Variants in GFRA1 observed in about 807,000 individuals in gnomAD.
The protein encoded by GFRA1 is GDNF family receptor alpha 1.
In GFRA1, 16 loss-of-function variants were observed where a neutral mutation model predicts 51.6. The observed-to-expected ratio is 0.31, with a 90% CI of 0.21 to 0.47. GFRA1 has a LOEUF of 0.47. Among genes scored for constraint, GFRA1 ranks in the 20% least tolerant of loss-of-function variants. GFRA1 has a pLI of 1.00. For synonymous variants in GFRA1, 270 were observed against 241.3 expected (o/e 1.12, Z -1.10); for missense variants, 530 against 594.3 (o/e 0.89, Z 1.13).
At chr10:116,128,970 A>G (rs1295944943) in intron 5 of GFRA1, among the ~76,000 whole-genome samples, 1 of 152,108 alleles carries the variant, frequency 6.6e-6, no homozygotes, top group Non-Finnish European at 1.5e-5. Context: ...CTCACTTTCT[A>G]CTGATTCTAT....
At chr10:116,225,313 G>A (rs1966201010) in intron 4 of GFRA1, among the ~76,000 whole-genome samples, 1 of 151,978 alleles carries the variant, frequency 6.6e-6, no homozygotes, top group Admixed American at 6.6e-5. Flanking sequence ...AAGGCAGGCG[G>A]ATCACGAGGT....
At chr10:116,192,248 C>T (rs1388840948) in intron 5 of GFRA1, among the ~76,000 whole-genome samples, 3 of 152,252 alleles carry the variant, frequency 2.0e-5, no homozygotes, top group South Asian at 4.2e-4. Flanking sequence ...TGAATGCACA[C>T]AAATAAATCT....
intron 5 of GFRA1, among the ~76,000 whole-genome samples, chr10:116,166,385 C>T (rs1389952598): frequency 6.6e-6 from 1 of 152,212 alleles, no homozygotes; most frequent in African/African-American, 2.4e-5. Flanking sequence ...CTGTCTTCCA[C>T]AATGGCTGAA....
rs1220527945 is a variant in GFRA1, at chr10:116,062,326, C to T, written c.*2072G>A. 1 of 392,144 alleles carries T rather than the reference C, an allele frequency of 2.6e-6. No homozygotes were observed. The highest frequency in any genetic ancestry group is 2.1e-5 in the African/African-American group (1 of 48,496). 24.3% of individuals were successfully genotyped at this position (392,144 alleles called of 1,614,324 possible). ...ATAACTGGCATTCCAAATATTTTGA[C>T]ACACTTACTTAATGTGTTTATTCAA... On this transcript the variant is annotated 3_prime_UTR_variant, in exon 11 of 11. Transcript: ENST00000355422.
intron 6 of GFRA1, among the ~76,000 whole-genome samples, chr10:116,116,138 A>C (rs960675070): frequency 2.6e-5 from 4 of 152,132 alleles, no homozygotes; most frequent in African/African-American, 9.7e-5. Context: ...CTTGTTGCCC[A>C]GGCTGGAGGG....
At chr10:116,194,773 C>T (rs1963592753) in intron 5 of GFRA1, among the ~76,000 whole-genome samples, 1 of 152,158 alleles carries the variant, frequency 6.6e-6, no homozygotes, top group Non-Finnish European at 1.5e-5. Context: ...CATTGGTCAG[C>T]TCATTTCATC....
chr10:116,203,402 G>A (rs1964492198), intron 5 of GFRA1, among the ~76,000 whole-genome samples: 1 of 152,192 alleles, frequency 6.6e-6, no homozygotes, highest in Admixed American at 6.5e-5. Flanking sequence ...ATCAGAGGCT[G>A]CAGAAAGAAT....
At chr10:116,067,712 T>C (rs1385196491) in intron 9 of GFRA1, among the ~76,000 whole-genome samples, 1 of 152,186 alleles carries the variant, frequency 6.6e-6, no homozygotes, top group African/African-American at 2.4e-5. Context: ...CAGGTTTTCT[T>C]AAGTGGACTC....
intron 2 of GFRA1, among the ~76,000 whole-genome samples, 200 bp from the exon 3 acceptor site, chr10:116,271,315 C>T (rs1843915442): frequency 6.6e-6 from 1 of 152,148 alleles, no homozygotes; most frequent in Non-Finnish European, 1.5e-5. Context: ...CTCCTCCTCC[C>T]GGGCCCGCAA....
rs554969000 is a variant in GFRA1 at position 116,091,881 on chromosome 10, GAA to G, written c.1015+1819_1015+1820del. Among the ~76,000 whole-genome samples the G allele has an allele frequency of 5.1e-4, 77 of 152,204 alleles. 2 individuals carry two copies. Among genetic ancestry groups the G allele is most frequent in the African/African-American group, 1.6e-3 (68 of 41,538 alleles). On this transcript the variant is annotated intron_variant, in intron 8 of 10. Transcript: ENST00000355422. ...CAGACAAAATGCATTTATTTTTATTGAAAAGTCATTAACAATGAGACACCAGA... is the reference window on the plus strand; with the variant it reads ...CAGACAAAATGCATTTATTTTTATTGAAGTCATTAACAATGAGACACCAGA...
intron 4 of GFRA1, among the ~76,000 whole-genome samples, chr10:116,256,339 GCCAGCC>G (rs1382514409): frequency 6.6e-6 from 1 of 152,042 alleles, no homozygotes. Context: ...CCTCCCCGTT[GCCAGCC>G]CTATCTCTGG....
At chr10:116,163,570 C>A (rs765866042) in intron 5 of GFRA1, among the ~76,000 whole-genome samples, 16 of 152,184 alleles carry the variant, frequency 1.1e-4, no homozygotes, top group Non-Finnish European at 2.4e-4. Context: ...TGGAAGCATG[C>A]CTTCGCCTTT....
intron 5 of GFRA1, among the ~76,000 whole-genome samples, chr10:116,199,769 G>C (rs60408987): frequency 0.2 from 30,783 of 151,972 alleles, 3,189 homozygotes; most frequent in South Asian, 0.26. Flanking sequence ...AATCTTAAGT[G>C]TATATTCGCT....
chr10:116,267,467 C>T (rs7087136), intron 4 of GFRA1, among the ~76,000 whole-genome samples: 54,309 of 151,558 alleles, frequency 0.36, 10,088 homozygotes, highest in Non-Finnish European at 0.42. Flanking sequence ...AACAAGACTT[C>T]GTCTCAAACA....
intron 5 of GFRA1, among the ~76,000 whole-genome samples, chr10:116,173,177 A>G (rs1223910792): frequency 6.6e-6 from 1 of 152,220 alleles, no homozygotes; most frequent in African/African-American, 2.4e-5. Flanking sequence ...GCACTTCCAC[A>G]TAGATGATTC....
intron 4 of GFRA1, among the ~76,000 whole-genome samples, chr10:116,257,257 C>G (rs985811791): frequency 6.6e-6 from 1 of 152,198 alleles, no homozygotes; most frequent in Non-Finnish European, 1.5e-5. Context: ...TGGTCCCTGT[C>G]TGCTCTGCTG....
chr10:116,172,506 T>C (rs192934109), intron 5 of GFRA1, among the ~76,000 whole-genome samples: 9 of 152,166 alleles, frequency 5.9e-5, no homozygotes, highest in East Asian at 3.9e-4. Context: ...TCAGTGGGAA[T>C]AGGGGATGCA....
chr10:116,265,718 G>GC (rs1187246605), intron 4 of GFRA1, among the ~76,000 whole-genome samples: 1 of 152,120 alleles, frequency 6.6e-6, no homozygotes, highest in African/African-American at 2.4e-5. Flanking sequence ...GCCTCTGAGC[G>GC]CCCACACAGC....
rs1343143964 is a variant in GFRA1 at position 116,089,724 on chromosome 10, C to G, written c.1197+17G>C. 1.2e-6 allele frequency: 2 copies of G among 1,610,790 alleles called. No homozygotes were observed. The highest frequency in any genetic ancestry group is 2.7e-5 in the African/African-American group (2 of 74,854). ...CAGGAAGGGAGCCCCAGCAAGGAAT[C>G]TGGACGCAGTTCTCACCTGTAAATT... On this transcript the variant is annotated intron_variant, in intron 9 of 10. Transcript: ENST00000355422.
Sources: gnomAD v4.1 joint callset for allele counts (sites outside exome capture counted in the v4.1 genomes callset) on GRCh38, gnomAD v4.1.1 for gene constraint, MANE v1.5 for transcripts, NCBI Gene and HGNC (gene_info 2026-07-23, HGNC 2026-07-21) for gene names.